Variants in TEC observed in about 807,000 individuals in gnomAD.
TEC encodes tec protein tyrosine kinase.
TEC carries 72 observed loss-of-function variants against 93.0 expected under a neutral mutation model. The observed-to-expected ratio is 0.77, with a 90% CI of 0.64 to 0.94. The LOEUF is 0.94. Among genes scored for constraint, TEC ranks in the 40% least tolerant of loss-of-function variants. TEC has a pLI of 0.00. For synonymous variants in TEC, 249 were observed against 247.7 expected (o/e 1.01, Z -0.05); for missense variants, 630 against 757.9 (o/e 0.83, Z 1.98).
At chr4:48,180,335 A>G (rs1206046340) in intron 2 of TEC, among the ~76,000 whole-genome samples, 1 of 152,172 alleles carries the variant, frequency 6.6e-6, no homozygotes, top group Non-Finnish European at 1.5e-5. Context: ...CACCAACCCA[A>G]CTGGGCAACA....
intron 1 of TEC, among the ~76,000 whole-genome samples, chr4:48,233,165 G>C (rs1018392244): frequency 6.6e-6 from 1 of 152,058 alleles, no homozygotes; most frequent in African/African-American, 2.4e-5. Flanking sequence ...TCAATGATGA[G>C]GCTAGTCAGC....
At chr4:48,221,461 G>C (rs372542787) in intron 2 of TEC, among the ~76,000 whole-genome samples, 8 of 152,278 alleles carry the variant, frequency 5.3e-5, no homozygotes, top group South Asian at 4.1e-4. Context: ...CGCCAGGATT[G>C]TAAGTTTCCT....
chr4:48,170,081 G>A (rs1434098962), intron 5 of TEC, among the ~76,000 whole-genome samples, 167 bp downstream of exon 5: 1 of 152,136 alleles, frequency 6.6e-6, no homozygotes, highest in Non-Finnish European at 1.5e-5. Flanking sequence ...CCACGAGAAG[G>A]TCTCACTGTA....
chr4:48,188,893 G>A (rs1269453638), intron 2 of TEC, among the ~76,000 whole-genome samples: 8 of 152,100 alleles, frequency 5.3e-5, no homozygotes, highest in Non-Finnish European at 1.0e-4. Flanking sequence ...GTGTGTGCGC[G>A]CCCATGCATA....
At chr4:48,244,746 T>G (rs929338822) in intron 1 of TEC, among the ~76,000 whole-genome samples, 3 of 152,254 alleles carry the variant, frequency 2.0e-5, no homozygotes, top group African/African-American at 7.2e-5. Context: ...CTCACACTTC[T>G]GTGGAGTTTT....
chr4:48,151,662 T>C (rs1037088677), intron 9 of TEC, among the ~76,000 whole-genome samples: 5 of 152,184 alleles, frequency 3.3e-5, no homozygotes, highest in Non-Finnish European at 7.3e-5. Flanking sequence ...AATATTTGTA[T>C]TTTCAGTAGA....
At chr4:48,207,687 CT>C (rs1427148386) in intron 2 of TEC, among the ~76,000 whole-genome samples, 1 of 151,340 alleles carries the variant, frequency 6.6e-6, no homozygotes, top group East Asian at 1.9e-4. Context: ...ACTTAGGAGG[CT>C]GAGGTGGGAG....
At chr4:48,232,733 C>T (rs1723682837) in intron 1 of TEC, among the ~76,000 whole-genome samples, 1 of 152,170 alleles carries the variant, frequency 6.6e-6, no homozygotes. Flanking sequence ...AAGGAACTGA[C>T]TCTCAAGGAA....
intron 2 of TEC, among the ~76,000 whole-genome samples, chr4:48,176,838 C>T (rs950501261): frequency 6.6e-6 from 1 of 152,130 alleles, no homozygotes; most frequent in African/African-American, 2.4e-5. Flanking sequence ...AAAAAGAAAG[C>T]GTCAAAGACC....
At chr4:48,191,348 A>G (rs1395780823) in intron 2 of TEC, among the ~76,000 whole-genome samples, 1 of 152,164 alleles carries the variant, frequency 6.6e-6, no homozygotes, top group Non-Finnish European at 1.5e-5. Context: ...AACTTTTAAT[A>G]TTATATACTC....
chr4:48,150,670 TG>T (rs2109516496), intron 10 of TEC, among the ~76,000 whole-genome samples, 192 bp downstream of exon 10: 1 of 152,308 alleles, frequency 6.6e-6, no homozygotes, highest in Admixed American at 6.5e-5. Context: ...CAAATATATA[TG>T]AAAAACTATA....
chr4:48,234,983 C>A (rs1421482240), intron 1 of TEC, among the ~76,000 whole-genome samples: 19 of 151,966 alleles, frequency 1.3e-4, no homozygotes, highest in African/African-American at 4.6e-4. Flanking sequence ...GTCAGGGTAG[C>A]CTCTACTCTG....
Position 48,163,721 on chromosome 4 carries a change from T to C in TEC, c.718A>G (p.Asn240Asp), listed in dbSNP as rs752755232. The C allele has an allele frequency of 2.0e-6, 3 of 1,499,232 alleles. No homozygotes were observed. Among genetic ancestry groups the C allele is most frequent in the Non-Finnish European group, 9.1e-7 (1 of 1,102,542 alleles). The allele number at this position is 1,499,232 out of a possible 1,614,324, so 92.9% of individuals were successfully genotyped here. ...ACTTACTCATATTGATCTAAGTTGT[T>C]TGATTTCTTTCCCGTTACGTAATTA... ...PSNYVTGKKSNNLDQYEWYCR... is the reference protein window; with the variant it reads ...PSNYVTGKKSDNLDQYEWYCR... Residue 240 changes from asparagine (N) to aspartate (D), a missense_variant, in exon 8 of 18, where the codon AAC (asparagine) becomes GAC (aspartate). Transcript: ENST00000381501.
chr4:48,170,961 G>T (rs1252758547), intron 4 of TEC, among the ~76,000 whole-genome samples: 2 of 152,030 alleles, frequency 1.3e-5, no homozygotes, highest in Non-Finnish European at 2.9e-5. Flanking sequence ...TGAGGCAGGA[G>T]AATCGCTTGA....
chr4:48,160,789 AAAG>A (rs897730299), intron 8 of TEC, among the ~76,000 whole-genome samples: 48 of 142,136 alleles, frequency 3.4e-4, no homozygotes, highest in African/African-American at 1.1e-3. Flanking sequence ...AAAGAAAAGA[AAAG>A]AAGAAAGAAA....
intron 8 of TEC, among the ~76,000 whole-genome samples, chr4:48,157,248 C>T (rs1720440439): frequency 6.6e-6 from 1 of 152,170 alleles, no homozygotes; most frequent in Non-Finnish European, 1.5e-5. Context: ...AGCCCTCCTC[C>T]TATCAATATG....
intron 1 of TEC, among the ~76,000 whole-genome samples, chr4:48,257,461 G>C (rs1486686266): frequency 6.6e-6 from 1 of 152,164 alleles, no homozygotes; most frequent in Admixed American, 6.5e-5. Context: ...ATGACAAAGA[G>C]AGGAGAGGAG....
intron 9 of TEC, among the ~76,000 whole-genome samples, chr4:48,155,566 C>T (rs1477538402): frequency 6.6e-6 from 1 of 152,154 alleles, no homozygotes; most frequent in African/African-American, 2.4e-5. Context: ...CCTGAAATGT[C>T]CATGCTGTTT....
intron 7 of TEC, among the ~76,000 whole-genome samples, chr4:48,166,715 T>C (rs912776265): frequency 3.3e-5 from 5 of 151,794 alleles, no homozygotes; most frequent in Non-Finnish European, 7.4e-5. Context: ...AAATTAAAAA[T>C]AGAAATCAAT....
Sources: gnomAD v4.1 joint callset for allele counts (sites outside exome capture counted in the v4.1 genomes callset) on GRCh38, gnomAD v4.1.1 for gene constraint, MANE v1.5 for transcripts, NCBI Gene and HGNC (gene_info 2026-07-23, HGNC 2026-07-21) for gene names.